DOK6: variants seen among roughly 807,000 people sequenced by gnomAD.
DOK6 encodes the protein downstream of tyrosine kinase 6.
In DOK6, 22 loss-of-function variants were observed where a neutral mutation model predicts 44.0. The observed-to-expected ratio is 0.50, with a 90% CI of 0.36 to 0.71. The LOEUF (loss-of-function observed/expected upper bound fraction) is 0.71, where lower values mean the gene tolerates loss of function less well. DOK6 is among the 30% of genes least tolerant of loss of function. DOK6 has a pLI of 0.00. For synonymous variants in DOK6, 166 were observed against 145.5 expected (o/e 1.14, Z -1.01); for missense variants, 340 against 416.4 (o/e 0.82, Z 1.60).
At chr18:69,802,076 G>A (rs373340266) in intron 7 of DOK6, among the ~76,000 whole-genome samples, 106 of 152,030 alleles carry the variant, frequency 7.0e-4, no homozygotes, top group African/African-American at 2.5e-3. Flanking sequence ...CCATGCCAAG[G>A]GTTCTTTCAT....
chr18:69,698,593 G>T lies in DOK6; in HGVS notation c.599G>T (p.Arg200Ile), dbSNP rs767531247. ...ACGTGGTTCACGTTTGAGTCAGGAA[G>T]GTAAGATCTAGTGCAGCAGCCAAGT... ...DSTWFTFESG[R>I]MCDTGEGLFT... The change falls in exon 5 of 8, where the codon AGA becomes ATA. Residue 200 changes from arginine (R) to isoleucine (I), a missense_variant and splice_region_variant. Arg to Ile is a moderately conservative substitution (Grantham distance 97). This residue lies in a region of DOK6 where 206 missense variants were observed against 258.6 expected (regional missense o/e 0.80). Transcript: ENST00000382713. The T allele has an allele frequency of 6.2e-7, 1 of 1,612,676 alleles. No homozygotes were observed. Among genetic ancestry groups the T allele is most frequent in the Admixed American group, 1.7e-5 (1 of 59,952 alleles).
chr18:69,784,282 T>A (rs979306106), intron 7 of DOK6, among the ~76,000 whole-genome samples: 1 of 152,160 alleles, frequency 6.6e-6, no homozygotes, highest in African/African-American at 2.4e-5. Context: ...ATGATAAATG[T>A]ATGTGGGCAT....
chr18:69,584,996 T>C (rs1389699197), intron 2 of DOK6, among the ~76,000 whole-genome samples: 2 of 133,470 alleles, frequency 1.5e-5, no homozygotes, highest in Non-Finnish European at 3.5e-5. Flanking sequence ...TCATTTCAAA[T>C]GGAGCTTTTG....
intron 1 of DOK6, among the ~76,000 whole-genome samples, chr18:69,510,650 A>G (rs1304397116): frequency 6.6e-6 from 1 of 152,200 alleles, no homozygotes; most frequent in Non-Finnish European, 1.5e-5. Context: ...ACAAAGCATG[A>G]GCAATGGTGA....
chr18:69,694,944 G>C (rs1986358659), intron 4 of DOK6, among the ~76,000 whole-genome samples: 1 of 152,112 alleles, frequency 6.6e-6, no homozygotes, highest in Non-Finnish European at 1.5e-5. Context: ...CCTGTCTCTT[G>C]TTTTGTTCCA....
intron 2 of DOK6, among the ~76,000 whole-genome samples, chr18:69,570,386 C>A (rs1188099853): frequency 6.6e-6 from 1 of 151,176 alleles, no homozygotes; most frequent in East Asian, 1.9e-4. Context: ...ACAACAGCAA[C>A]AACAAAAAAT....
In DOK6 at chr18:69,458,473, C is replaced by T. The variant is rs537503493; in HGVS notation, c.66+57163C>T. Among the ~76,000 whole-genome samples, 3 of 152,194 alleles carry T rather than the reference C, an allele frequency of 2.0e-5. No homozygotes were observed. The East Asian group carries it at 5.8e-4, about 29-fold the overall frequency. On this transcript the variant is annotated intron_variant, in intron 1 of 7. Transcript: ENST00000382713. ...GGGTAAAAGCTAGAAGCATTCCCTT[C>T]GAGGATACAAAGTAAGGATGCCCAC... is the stretch of plus-strand genomic sequence containing the variant.
At chr18:69,796,293 A>G (rs1980742779) in intron 7 of DOK6, among the ~76,000 whole-genome samples, 1 of 152,174 alleles carries the variant, frequency 6.6e-6, no homozygotes, top group African/African-American at 2.4e-5. Context: ...CAGTTCTGCC[A>G]TTCCACATAA....
At chr18:69,821,374 C>T (rs187706610) in intron 7 of DOK6, among the ~76,000 whole-genome samples, 61 of 152,170 alleles carry the variant, frequency 4.0e-4, no homozygotes, top group Admixed American at 2.4e-3. Flanking sequence ...CTGTCTGTTA[C>T]GGGGGTGGCA....
At chr18:69,402,627 G>C (rs1916125074) in intron 1 of DOK6, among the ~76,000 whole-genome samples, 1 of 152,168 alleles carries the variant, frequency 6.6e-6, no homozygotes, top group Admixed American at 6.5e-5. Flanking sequence ...GGTGCAGACT[G>C]TACCCCAAGG....
intron 5 of DOK6, among the ~76,000 whole-genome samples, chr18:69,723,455 G>A (rs1354674080): frequency 6.6e-6 from 1 of 152,142 alleles, no homozygotes; most frequent in Non-Finnish European, 1.5e-5. Context: ...TCTCTGATGG[G>A]GACAATTGCT....
chr18:69,748,270 T>C (rs117772958), intron 6 of DOK6, among the ~76,000 whole-genome samples: 3,221 of 151,980 alleles, frequency 0.021, 44 homozygotes, highest in Middle Eastern at 0.075. Context: ...ATAAAGAGAC[T>C]TAGATTCCCA....
intron 1 of DOK6, among the ~76,000 whole-genome samples, chr18:69,424,103 C>T (rs1978570694): frequency 6.6e-6 from 1 of 152,114 alleles, no homozygotes; most frequent in South Asian, 2.1e-4. Context: ...CTTCTATATA[C>T]TATCGCTTTG....
chr18:69,534,528 A>T (rs1982068306), intron 1 of DOK6, among the ~76,000 whole-genome samples: 1 of 151,774 alleles, frequency 6.6e-6, no homozygotes, highest in South Asian at 2.1e-4. Flanking sequence ...CATATATACA[A>T]TATTTATGCA....
At chr18:69,811,862 C>T (rs927438996) in intron 7 of DOK6, among the ~76,000 whole-genome samples, 5 of 151,958 alleles carry the variant, frequency 3.3e-5, no homozygotes, top group Non-Finnish European at 7.4e-5. Context: ...GAATATCCCA[C>T]TGCCATTTAA....
chr18:69,661,534 T>A (rs1985526519), intron 3 of DOK6: 1 of 152,202 alleles, frequency 6.6e-6, no homozygotes, highest in South Asian at 2.1e-4. Flanking sequence ...AGTAACTCAG[T>A]CAGGTGTGAG....
intron 5 of DOK6, among the ~76,000 whole-genome samples, chr18:69,712,570 C>T (rs1986790936): frequency 6.6e-6 from 1 of 152,118 alleles, no homozygotes; most frequent in Non-Finnish European, 1.5e-5. Flanking sequence ...TGGGACCTGG[C>T]AAGGTGGCTC....
At chr18:69,469,680 A>G (rs555358168) in intron 1 of DOK6, 4 of 254,740 alleles carry the variant, frequency 1.6e-5, no homozygotes, top group African/African-American at 6.9e-5. Flanking sequence ...GCCGCCCCGG[A>G]GATACGCTGC....
chr18:69,557,430 G>A (rs1246315671), intron 1 of DOK6, among the ~76,000 whole-genome samples: 4 of 152,184 alleles, frequency 2.6e-5, no homozygotes, highest in African/African-American at 4.8e-5. Flanking sequence ...TTCACAGTGA[G>A]TCTTAAATGG....
Sources: allele counts gnomAD v4.1 joint callset (sites outside exome capture counted in the v4.1 genomes callset), GRCh38; gene constraint gnomAD v4.1.1; regional missense constraint gnomAD v4.1.1; transcripts MANE v1.5; gene names NCBI Gene and HGNC (gene_info 2026-07-23, HGNC 2026-07-21).